The following F2 variants were observed in gnomAD, a reference collection of about 807,000 sequenced individuals.
The protein encoded by F2 is prothrombin.
In F2, 34 loss-of-function variants were observed where a neutral mutation model predicts 81.9. That is an observed-to-expected ratio of 0.42 (90% CI 0.32 to 0.55). The LOEUF is 0.55. Ranked by LOEUF, F2 falls within the 20% of genes least tolerant of loss-of-function variation. F2 has a pLI of 0.18. For missense variants in F2, 630 were observed against 833.4 expected (o/e 0.76, Z 3.00); for synonymous variants, 296 against 326.4 (o/e 0.91, Z 1.01).
At chr11:46,727,847 C>T in intron 9 of F2, 149 bp from the exon 10 acceptor site, 1 of 767,696 alleles carries the variant, frequency 1.3e-6, no homozygotes, top group Non-Finnish European at 2.1e-6. Context: ...GGCTCCAGGC[C>T]CCAAAGGCGG....
intron 6 of F2, 41 bp from the exon 7 acceptor site, chr11:46,725,818 G>A: frequency 6.2e-7 from 1 of 1,605,694 alleles, no homozygotes; most frequent in Non-Finnish European, 8.5e-7. Context: ...TCCATGTGTG[G>A]TCTCACTCAC....
At chr11:46,731,912 G>GTTTTTTTT (rs71042616) in intron 12 of F2, among the ~76,000 whole-genome samples, 5 of 88,156 alleles carry the variant, frequency 5.7e-5, no homozygotes, top group East Asian at 2.9e-4. Flanking sequence ...ACACTTTGAT[G>GTTTTTTTT]TTTTTTTTTT....
chr11:46,722,252 C>T (rs2134526545), intron 4 of F2, among the ~76,000 whole-genome samples: 1 of 152,298 alleles, frequency 6.6e-6, no homozygotes, highest in South Asian at 2.1e-4. Context: ...CAGTCTCTGC[C>T]TTCAAGGAAT....
chr11:46,728,490 C>T lies in F2; in HGVS notation c.1299-174C>T, dbSNP rs887683440. Among the ~76,000 whole-genome samples, 2 of 152,198 alleles carry T rather than the reference C, an allele frequency of 1.3e-5. No homozygotes were observed. The highest frequency in any genetic ancestry group is 1.5e-5 in the Non-Finnish European group (1 of 68,032). On this transcript the variant is annotated intron_variant, in intron 10 of 13. Coordinates refer to ENST00000311907, the MANE Select transcript of F2 (RefSeq NM_000506.5). The surrounding 1 kb of genome is among the most constrained non-coding windows in gnomAD (Gnocchi z 5.1). Reference sequence around the variant, plus strand: ...GGCTGTCTGACTCCAAAGCCCTGCACGGCTTTAGGCCCAGGAAGAAACACC... The same window carrying T: ...GGCTGTCTGACTCCAAAGCCCTGCATGGCTTTAGGCCCAGGAAGAAACACC...
At chr11:46,729,674 C>A in intron 12 of F2, 113 bp downstream of exon 12, 2 of 1,213,096 alleles carry the variant, frequency 1.6e-6, no homozygotes, top group Non-Finnish European at 2.3e-6. Flanking sequence ...CTCTTGGTGG[C>A]TCAGTTTCTT....
chr11:46,732,391 CT>C (rs1475623500), intron 12 of F2, among the ~76,000 whole-genome samples: 1 of 150,162 alleles, frequency 6.7e-6, no homozygotes, highest in Non-Finnish European at 1.5e-5. Flanking sequence ...AAGGGTTCAC[CT>C]TTTTTTTTCT....
At position 46,728,869 on chromosome 11, in the gene F2, C is replaced by T. The variant is rs1275772678; in HGVS notation, c.1472+32C>T. ...CACCAGATGCTTGTTAGCTGAGGGG[C>T]AGAAGCCAAGTTCTGGGCCTGGCTC... On this transcript the variant is annotated intron_variant, in intron 11 of 13. Transcript: ENST00000311907. The surrounding 1 kb of genome is among the most constrained non-coding windows in gnomAD (Gnocchi z 5.1). 2 of 1,611,220 alleles carry T rather than the reference C, an allele frequency of 1.2e-6. No homozygotes were observed. The highest frequency in any genetic ancestry group is 2.2e-5 in the South Asian group (2 of 90,952).
At position 46,739,488 on chromosome 11, in the gene F2, T is replaced by A. The variant is rs1433117218; in HGVS notation, c.*80T>A. On this transcript the variant is annotated 3_prime_UTR_variant, in exon 14 of 14. Coordinates refer to ENST00000311907, the MANE Select transcript of F2 (RefSeq NM_000506.5). ...GTGTTTCTAAAACTATGGTTCCCAATAAAAGTGACTCTCAGCGAGCCTCAA... is the reference window on the plus strand; with the variant it reads ...GTGTTTCTAAAACTATGGTTCCCAAAAAAAGTGACTCTCAGCGAGCCTCAA... The A allele has an allele frequency of 3.2e-6, 5 of 1,582,436 alleles. No homozygotes were observed. In the Admixed American group the frequency reaches 8.4e-5, roughly 26 times the overall value.
intron 12 of F2, among the ~76,000 whole-genome samples, chr11:46,732,130 G>A (rs938350741): frequency 4.0e-5 from 6 of 151,770 alleles, no homozygotes; most frequent in Admixed American, 1.3e-4. Flanking sequence ...TGGCCAGGAT[G>A]GTCTCGAACT....
Position 46,719,691 on chromosome 11 carries a change from C to A in F2, c.80-11C>A. ...AGGCCGCTGTCCCATGACCCCCCCA[C>A]CGCCTTACAGTGTTCCTGGCTCCTC... On this transcript the variant is annotated splice_polypyrimidine_tract_variant and intron_variant, in intron 1 of 13. Transcript: ENST00000311907. This position sits in a 1 kb window ranked among gnomAD's most constrained non-coding sequence, Gnocchi z 4.7. 6.3e-7 allele frequency: 1 copy of A among 1,583,246 alleles called. No individual in the cohort carries two copies. Among genetic ancestry groups the A allele is most frequent in the Non-Finnish European group, 8.6e-7 (1 of 1,165,856 alleles).
intron 12 of F2, among the ~76,000 whole-genome samples, chr11:46,733,790 T>TG (rs1291831762): frequency 1.5e-5 from 2 of 130,300 alleles, no homozygotes; most frequent in Admixed American, 1.5e-4. Context: ...ACCTTTTTTT[T>TG]TTTTTTTTTT....
Position 46,728,224 on chromosome 11 carries a change from A to AG in F2, c.1298+65dup. On this transcript the variant is annotated intron_variant, in intron 10 of 13. Transcript: ENST00000311907. The surrounding 1 kb of genome is among the most constrained non-coding windows in gnomAD (Gnocchi z 5.1). ...GTCTGAGTCCTCCAAAGCGATCATGAGGGGCCCTGGTGGCTCCGGGACACA... is the reference window on the plus strand; with the variant it reads ...GTCTGAGTCCTCCAAAGCGATCATGAGGGGGCCCTGGTGGCTCCGGGACACA... The AG allele has an allele frequency of 1.3e-6, 2 of 1,549,406 alleles. No homozygotes were observed. Among genetic ancestry groups the AG allele is most frequent in the Non-Finnish European group, 1.8e-6 (2 of 1,137,534 alleles).
In F2 at chr11:46,719,530, T is replaced by C. The variant is rs1332130549; in HGVS notation, c.80-172T>C. On this transcript the variant is annotated intron_variant, in intron 1 of 13. Coordinates refer to ENST00000311907, the MANE Select transcript of F2 (RefSeq NM_000506.5). This position sits in a 1 kb window ranked among gnomAD's most constrained non-coding sequence, Gnocchi z 4.7. ...GGAGCAGGCTGGGGGCAAGGGGCAG[T>C]GTAGGAGGGGCACAGGGGGCCACAT... is the stretch of plus-strand genomic sequence containing the variant. The C allele has an allele frequency of 1.1e-5, 11 of 958,966 alleles. No individual in the cohort carries two copies. The South Asian group carries it at 1.5e-4, about 13-fold the overall frequency. 59.4% of individuals were successfully genotyped at this position (958,966 alleles called of 1,614,324 possible).
chr11:46,733,378 A>AT (rs2064925461), intron 12 of F2, among the ~76,000 whole-genome samples: 1 of 152,086 alleles, frequency 6.6e-6, no homozygotes, highest in East Asian at 1.9e-4. Flanking sequence ...TAATTTTTGT[A>AT]TTTTTTGTAG....
chr11:46,726,097 C>A lies in F2; in HGVS notation c.798C>A (p.Asp266Glu), dbSNP rs138260543. The part of the protein sequence containing the change: ...QLVENFCRNP[D>E]GDEEGVWCYV... ...TGGAGAACTTCTGCCGCAACCCAGA[C>A]GGGGATGAGGAGGGCGTGTGGTGCT... Residue 266 changes from aspartate (D) to glutamate (E), a missense_variant, in exon 7 of 14, where the codon GAC becomes GAA. Coordinates refer to ENST00000311907, the MANE Select transcript of F2 (RefSeq NM_000506.5). This position sits in a 1 kb window ranked among gnomAD's most constrained non-coding sequence, Gnocchi z 5.9. The A allele has an allele frequency of 6.2e-7, 1 of 1,614,064 alleles. No individual in the cohort carries two copies. The highest frequency in any genetic ancestry group is 1.3e-5 in the African/African-American group (1 of 74,938).
At chr11:46,737,001 G>A (rs2064947798) in intron 12 of F2, among the ~76,000 whole-genome samples, 2 of 152,064 alleles carry the variant, frequency 1.3e-5, no homozygotes, top group Non-Finnish European at 2.9e-5. Context: ...CTGCTGCAAT[G>A]TATTCTCTTA....
At position 46,739,301 on chromosome 11, in the gene F2, G is replaced by A. The variant is rs778299048; in HGVS notation, c.1762G>A (p.Val588Ile). The A allele has an allele frequency of 1.5e-5, 24 of 1,614,098 alleles. No homozygotes were observed. The highest frequency in any genetic ancestry group is 1.7e-5 in the Admixed American group (1 of 59,998). Residue 588 changes from valine to isoleucine, a missense_variant, in exon 14 of 14, where the codon GTC becomes ATC. Val to Ile is a conservative substitution (Grantham distance 29, BLOSUM62 3). Coordinates refer to ENST00000311907, the MANE Select transcript of F2 (RefSeq NM_000506.5). ...FNNRWYQMGI[V>I]SWGEGCDRDG... ...CAACCGCTGGTATCAAATGGGCATC[G>A]TCTCATGGGGTGAAGGCTGTGACCG...
At chr11:46,737,239 TC>T (rs1235754732) in intron 12 of F2, among the ~76,000 whole-genome samples, 1 of 151,812 alleles carries the variant, frequency 6.6e-6, no homozygotes, top group Non-Finnish European at 1.5e-5. Context: ...CCTCCTGGGT[TC>T]AAGTGATTCT....
rs993461856 is a variant in F2 at position 46,723,129 on chromosome 11, G to A, written c.317-51G>A. ...GGGGATAGACAACTTTGCAGGGAGA[G>A]AGGAAATAAGTCCCCAGGCTCCAAG... On this transcript the variant is annotated intron_variant, in intron 4 of 13. Transcript: ENST00000311907. This position sits in a 1 kb window ranked among gnomAD's most constrained non-coding sequence, Gnocchi z 5.6. 3.9e-6 allele frequency: 6 copies of A among 1,533,496 alleles called. No homozygotes were observed. Among genetic ancestry groups the A allele is most frequent in the African/African-American group, 1.4e-5 (1 of 73,298 alleles). The allele number at this position is 1,533,496 out of a possible 1,614,324, so 95.0% of individuals were successfully genotyped here. A position where few individuals can be genotyped will look rare whatever the true frequency, so the allele number is the denominator to read the frequency against.
Sources: gnomAD v4.1 joint callset for allele counts (sites outside exome capture counted in the v4.1 genomes callset) on GRCh38, gnomAD v4.1.1 for gene constraint, Gnocchi (gnomAD v3.1) non-coding constraint, MANE v1.5 for transcripts, NCBI Gene and HGNC (gene_info 2026-07-23, HGNC 2026-07-21) for gene names.